RBM19: variants seen among roughly 807,000 people sequenced by gnomAD.
The protein encoded by RBM19 is RNA binding motif protein 19.
RBM19 carries 94 observed loss-of-function variants against 116.8 expected under a neutral mutation model. That is an observed-to-expected ratio of 0.80 (90% CI 0.68 to 0.95). RBM19 has a LOEUF of 0.95. Among genes scored for constraint, RBM19 ranks in the 40% least tolerant of loss-of-function variants. The pLI is 0.00. For missense variants in RBM19, 1,161 were observed against 1,220.7 expected (o/e 0.95, Z 0.73); for synonymous variants, 475 against 494.1 (o/e 0.96, Z 0.51).
intron 16 of RBM19, among the ~76,000 whole-genome samples, chr12:113,932,307 T>G (rs1220142296): frequency 6.6e-6 from 1 of 152,232 alleles, no homozygotes; most frequent in Non-Finnish European, 1.5e-5. Flanking sequence ...GACCTGAGCC[T>G]GGGCCTGCAG....
chr12:113,864,474 A>T (rs1878658071), intron 21 of RBM19, among the ~76,000 whole-genome samples: 1 of 152,214 alleles, frequency 6.6e-6, no homozygotes, highest in East Asian at 1.9e-4. Context: ...ATCCTAAAGA[A>T]GGGCCCCACC....
At chr12:113,839,636 G>C (rs988510722) in intron 23 of RBM19, among the ~76,000 whole-genome samples, 26 of 152,172 alleles carry the variant, frequency 1.7e-4, no homozygotes, top group African/African-American at 5.8e-4. Flanking sequence ...TGAATGACAT[G>C]AGACCCCTCA....
At chr12:113,863,677 G>A (rs1427809361) in intron 21 of RBM19, among the ~76,000 whole-genome samples, 1 of 152,126 alleles carries the variant, frequency 6.6e-6, no homozygotes, top group African/African-American at 2.4e-5. Flanking sequence ...CTCCCCACCT[G>A]CACCCAAGGC....
intron 3 of RBM19, 35 bp from the exon 4 acceptor site, chr12:113,959,938 C>T (rs752003381): frequency 8.7e-6 from 14 of 1,613,952 alleles, no homozygotes; most frequent in African/African-American, 2.7e-5. Flanking sequence ...GAGGGTCACA[C>T]AGATGAAGAG....
intron 2 of RBM19, 47 bp from the exon 3 acceptor site, chr12:113,960,225 C>A: frequency 6.2e-7 from 1 of 1,611,300 alleles, no homozygotes; most frequent in Non-Finnish European, 8.5e-7. Flanking sequence ...GGCACCCAGG[C>A]GTTGGGTGCT....
chr12:113,947,319 A>T lies in RBM19; in HGVS notation c.1407+15T>A. On this transcript the variant is annotated intron_variant, in intron 11 of 23. Coordinates refer to ENST00000261741, the MANE Select transcript of RBM19 (RefSeq NM_016196.4). The stretch of plus-strand genomic sequence containing the variant: ...AGCCCCACAGCCTCCTGGCCAGCCC[A>T]GGACGGGGCCTCACCTGGAATACCT... 1 of 1,582,566 alleles carries T rather than the reference A, an allele frequency of 6.3e-7. No homozygotes were observed. The highest frequency in any genetic ancestry group is 8.6e-7 in the Non-Finnish European group (1 of 1,156,444).
chr12:113,834,343 G>A (rs1565962834), intron 23 of RBM19, among the ~76,000 whole-genome samples: 2 of 152,222 alleles, frequency 1.3e-5, no homozygotes, highest in Non-Finnish European at 2.9e-5. Flanking sequence ...GCAGGGCACT[G>A]GGGGTGCAGT....
chr12:113,944,163 G>A (rs1385300794), intron 13 of RBM19, among the ~76,000 whole-genome samples: 3 of 136,362 alleles, frequency 2.2e-5, no homozygotes, highest in Non-Finnish European at 4.6e-5. Flanking sequence ...ACAGTGGCAT[G>A]ATCTCGGCTC....
chr12:113,865,941 T>C (rs923568822), intron 21 of RBM19, among the ~76,000 whole-genome samples: 1 of 152,202 alleles, frequency 6.6e-6, no homozygotes, highest in African/African-American at 2.4e-5. Context: ...CACTGGCTCC[T>C]TCACAGGCAA....
At chr12:113,896,142 T>A (rs1881308114) in intron 21 of RBM19, among the ~76,000 whole-genome samples, 1 of 152,172 alleles carries the variant, frequency 6.6e-6, no homozygotes, top group Non-Finnish European at 1.5e-5. Flanking sequence ...CTGTCAACTG[T>A]CAGCTAAAGG....
intron 14 of RBM19, 145 bp from the exon 15 acceptor site, chr12:113,940,305 A>T (rs927635858): frequency 2.5e-6 from 2 of 805,986 alleles, no homozygotes; most frequent in Non-Finnish European, 3.9e-6. Flanking sequence ...ACCCAGGAGG[A>T]ACGACCCTCT....
intron 21 of RBM19, among the ~76,000 whole-genome samples, chr12:113,879,991 C>A (rs1879989333): frequency 6.6e-6 from 1 of 151,710 alleles, no homozygotes; most frequent in Admixed American, 6.6e-5. Flanking sequence ...AATGACAGCT[C>A]CCCGGGCAGC....
intron 21 of RBM19, among the ~76,000 whole-genome samples, chr12:113,879,017 C>A (rs1593523943): frequency 6.6e-6 from 1 of 152,174 alleles, no homozygotes; most frequent in South Asian, 2.1e-4. Flanking sequence ...TGTGTCCCAT[C>A]CCCGCCGTCT....
At chr12:113,966,142 G>C in intron 1 of RBM19, 50 bp downstream of exon 1, 3 of 1,612,596 alleles carry the variant, frequency 1.9e-6, no homozygotes, top group Non-Finnish European at 2.5e-6. Context: ...CTACCTCACA[G>C]CTCCCGGCTG....
At position 113,944,117 on chromosome 12, in the gene RBM19, T is replaced by TTTTTTTTTTTTTTTTG. The variant is rs374683065; in HGVS notation, c.1627-1684_1627-1683insCAAAAAAAAAAAAAAA. Among the ~76,000 whole-genome samples, 5 of 102,598 alleles carry TTTTTTTTTTTTTTTTG rather than the reference T, an allele frequency of 4.9e-5. No homozygotes were observed. The East Asian group carries it at 2.7e-3, about 54-fold the overall frequency. 67.3% of individuals were successfully genotyped at this position (102,598 alleles called of 152,430 possible). On this transcript the variant is annotated intron_variant, in intron 13 of 23. Transcript: ENST00000261741. ...TGTTTTTTTTTTTTTTTTTTTTTTT[T>TTTTTTTTTTTTTTTTG]GGGGCAGACTCTCGCTCTGTCACCT...
intron 21 of RBM19, among the ~76,000 whole-genome samples, chr12:113,894,812 G>A (rs754282249): frequency 4.6e-4 from 70 of 152,346 alleles, no homozygotes; most frequent in Non-Finnish European, 7.5e-4. Flanking sequence ...ACTGGCTGAA[G>A]TGCTTTGCAG....
At chr12:113,956,503 C>G (rs1871951926) in intron 6 of RBM19, among the ~76,000 whole-genome samples, 1 of 150,422 alleles carries the variant, frequency 6.6e-6, no homozygotes, top group Admixed American at 6.7e-5. Context: ...ATCACTTGAA[C>G]CCGGGAGGCA....
At chr12:113,957,445 T>C (rs953575296) in intron 6 of RBM19, among the ~76,000 whole-genome samples, 1 of 152,046 alleles carries the variant, frequency 6.6e-6, no homozygotes, top group Non-Finnish European at 1.5e-5. Context: ...GGTGTGACTA[T>C]AATCCCAGCT....
At chr12:113,964,836 G>A (rs1314506239) in intron 1 of RBM19, among the ~76,000 whole-genome samples, 9 of 152,016 alleles carry the variant, frequency 5.9e-5, no homozygotes, top group Non-Finnish European at 8.8e-5. Flanking sequence ...AGAGAGGGAA[G>A]GTAGGACAGA....
Sources: gnomAD v4.1 joint callset for allele counts (sites outside exome capture counted in the v4.1 genomes callset) on GRCh38, gnomAD v4.1.1 for gene constraint, MANE v1.5 for transcripts, NCBI Gene and HGNC (gene_info 2026-07-23, HGNC 2026-07-21) for gene names.